NTM: variants seen among roughly 807,000 people sequenced by gnomAD.
NTM encodes neurotrimin.
In NTM, 13 loss-of-function variants were observed where a neutral mutation model predicts 42.1. The ratio of observed to expected loss-of-function variants is 0.31; its 90% CI spans 0.20 to 0.49. The LOEUF (loss-of-function observed/expected upper bound fraction) is 0.49. NTM is among the 20% of genes least tolerant of loss of function. The pLI, the probability that NTM is intolerant of heterozygous loss-of-function variation, is 0.99. For synonymous variants in NTM, 187 were observed against 179.2 expected, an observed-to-expected ratio of 1.04 and a Z score of -0.35; for missense variants, 373 against 452.8, an observed-to-expected ratio of 0.82 and a Z score of 1.60.
chr11:131,719,516 T>G (rs186092067), intron 1 of NTM, among the ~76,000 whole-genome samples: 2 of 152,286 alleles, frequency 1.3e-5, no homozygotes, highest in Non-Finnish European at 2.9e-5. Flanking sequence ...GGAGACCCCA[T>G]AGCCTTGCAG....
At chr11:132,123,125 T>C (rs1366121296) in intron 2 of NTM, among the ~76,000 whole-genome samples, 1 of 152,148 alleles carries the variant, frequency 6.6e-6, no homozygotes, top group East Asian at 1.9e-4. Flanking sequence ...CTCTTTTCTC[T>C]CATCTGCAAT....
At chr11:131,719,428 C>T (rs75179118) in intron 1 of NTM, among the ~76,000 whole-genome samples, 3,833 of 152,170 alleles carry the variant, frequency 0.025, 166 homozygotes, top group African/African-American at 0.087. Flanking sequence ...GTGAAGATAG[C>T]GCTTCTAAAA....
At chr11:131,728,365 A>G (rs1473746202) in intron 1 of NTM, among the ~76,000 whole-genome samples, 5 of 152,186 alleles carry the variant, frequency 3.3e-5, no homozygotes, top group Admixed American at 2.6e-4. Flanking sequence ...CACAGAACTC[A>G]ATGAAACATT....
chr11:131,608,417 A>G (rs1291451521), intron 1 of NTM, among the ~76,000 whole-genome samples: 1 of 152,196 alleles, frequency 6.6e-6, no homozygotes, highest in African/African-American at 2.4e-5. Flanking sequence ...TACCAGTTTG[A>G]ATGTTTCTCA....
At chr11:131,614,561 G>A (rs758030080) in intron 1 of NTM, among the ~76,000 whole-genome samples, 3 of 152,236 alleles carry the variant, frequency 2.0e-5, no homozygotes, top group Non-Finnish European at 2.9e-5. Flanking sequence ...CAGGGGTGCA[G>A]GATTATTCCT....
chr11:131,972,619 G>T (rs1383482514), intron 2 of NTM, among the ~76,000 whole-genome samples: 1 of 152,060 alleles, frequency 6.6e-6, no homozygotes, highest in Non-Finnish European at 1.5e-5. Flanking sequence ...GTATTTACAT[G>T]CTTCTTTTTC....
chr11:132,091,472 T>G (rs1340049532), intron 2 of NTM, among the ~76,000 whole-genome samples: 1 of 152,026 alleles, frequency 6.6e-6, no homozygotes, highest in Non-Finnish European at 1.5e-5. Context: ...TTCTCAATTT[T>G]AACACATACC....
chr11:131,840,302 G>A (rs560015290), intron 1 of NTM, among the ~76,000 whole-genome samples: 208 of 152,258 alleles, frequency 1.4e-3, no homozygotes, highest in Middle Eastern at 6.8e-3. Context: ...AGCAAATGAG[G>A]ACACAGAGCA....
intron 1 of NTM, chr11:131,911,221 G>C: frequency 7.2e-7 from 1 of 1,392,362 alleles, no homozygotes; most frequent in Non-Finnish European, 9.3e-7. Flanking sequence ...CTTCCCGGCG[G>C]AAGCAGCGAG....
At chr11:131,567,352 T>G (rs2057001822) in intron 1 of NTM, among the ~76,000 whole-genome samples, 1 of 152,078 alleles carries the variant, frequency 6.6e-6, no homozygotes, top group South Asian at 2.1e-4. Context: ...CCGGGCGTGA[T>G]GGCACACACC....
At chr11:131,516,741 G>C (rs1304436548) in intron 1 of NTM, among the ~76,000 whole-genome samples, 1 of 152,198 alleles carries the variant, frequency 6.6e-6, no homozygotes, top group Admixed American at 6.5e-5. Flanking sequence ...GGCATTGGAG[G>C]TGGAGGACTG....
intron 1 of NTM, among the ~76,000 whole-genome samples, chr11:131,812,516 C>T (rs2092780039): frequency 6.6e-6 from 1 of 151,636 alleles, no homozygotes; most frequent in Non-Finnish European, 1.5e-5. Flanking sequence ...CTTTCCTCCT[C>T]CATACAATGT....
intron 3 of NTM, among the ~76,000 whole-genome samples, chr11:132,184,052 CTG>C (rs1365555600): frequency 2.0e-5 from 3 of 152,084 alleles, no homozygotes; most frequent in African/African-American, 7.2e-5. Flanking sequence ...CAAGCACAAA[CTG>C]GAAACGATGA....
At chr11:132,292,787 T>TAAAAAAAAAAAAAAAAAAAAAAA (rs61603794) in intron 4 of NTM, among the ~76,000 whole-genome samples, 13 of 56,574 alleles carry the variant, frequency 2.3e-4, no homozygotes, top group African/African-American at 3.3e-4. Context: ...GATGTAAAAG[T>TAAAAAAAAAAAAAAAAAAAAAAA]AAAAAAAAAA....
At chr11:132,247,705 T>C (rs2091379131) in intron 4 of NTM, among the ~76,000 whole-genome samples, 1 of 152,074 alleles carries the variant, frequency 6.6e-6, no homozygotes, top group Admixed American at 6.6e-5. Flanking sequence ...CCCTTTAAAG[T>C]TGGATCTAGG....
chr11:131,469,266 A>G (rs1203415713), intron 1 of NTM, among the ~76,000 whole-genome samples: 2 of 152,212 alleles, frequency 1.3e-5, no homozygotes, highest in African/African-American at 4.8e-5. Context: ...AATGGCTACT[A>G]TCTTTGGAGT....
chr11:131,616,751 G>A (rs1328052915), intron 1 of NTM, among the ~76,000 whole-genome samples: 1 of 148,746 alleles, frequency 6.7e-6, no homozygotes, highest in Non-Finnish European at 1.5e-5. Context: ...ATTGAGACAG[G>A]GTTTTACAAG....
intron 2 of NTM, among the ~76,000 whole-genome samples, chr11:132,031,051 G>T (rs1280763139): frequency 6.6e-6 from 1 of 152,134 alleles, no homozygotes; most frequent in African/African-American, 2.4e-5. Context: ...AGCCACTCAT[G>T]CACATTGCAA....
chr11:131,894,189 C>T (rs565367481), intron 1 of NTM, among the ~76,000 whole-genome samples: 1 of 152,334 alleles, frequency 6.6e-6, no homozygotes, highest in African/African-American at 2.4e-5. Context: ...TGCGGCTTCT[C>T]TTCAACCGCC....
Sources: gnomAD v4.1 joint callset for allele counts (sites outside exome capture counted in the v4.1 genomes callset) on GRCh38, gnomAD v4.1.1 for gene constraint, MANE v1.5 for transcripts, NCBI Gene and HGNC (gene_info 2026-07-23, HGNC 2026-07-21) for gene names.